FBXL20: variants seen among roughly 807,000 people sequenced by gnomAD.
FBXL20 encodes the protein F-box and leucine rich repeat protein 20.
In FBXL20, 11 loss-of-function variants were observed where a neutral mutation model predicts 64.0. The ratio of observed to expected loss-of-function variants is 0.17; its 90% confidence interval spans 0.11 to 0.28. The LOEUF (loss-of-function observed/expected upper bound fraction) is 0.28. Ranked by LOEUF, FBXL20 falls within the 10% of genes least tolerant of loss-of-function variation. The probability of loss-of-function intolerance (pLI) is 1.00; values close to 1 mark genes in which losing one functional copy is unlikely to be tolerated. For synonymous variants in FBXL20, 184 were observed against 189.0 expected (o/e 0.97, Z 0.22); for missense variants, 303 against 526.2 (o/e 0.58, Z 4.15).
chr17:39,315,077 T>G (rs2024073), intron 2 of FBXL20, among the ~76,000 whole-genome samples: 59,341 of 151,714 alleles, frequency 0.39, 15,221 homozygotes, highest in African/African-American at 0.73. Context: ...GATTACAGGG[T>G]TGGGCTACTG....
At chr17:39,273,669 A>G (rs1362150298) in intron 10 of FBXL20, among the ~76,000 whole-genome samples, 1 of 151,822 alleles carries the variant, frequency 6.6e-6, no homozygotes, top group African/African-American at 2.4e-5. Flanking sequence ...AAAATACAAA[A>G]ATTAGCTGGG....
At chr17:39,290,588 A>T (rs1220424743) in intron 6 of FBXL20, among the ~76,000 whole-genome samples, 16 of 152,140 alleles carry the variant, frequency 1.1e-4, no homozygotes, top group Admixed American at 9.8e-4. Flanking sequence ...TTTTTGAGAC[A>T]GGGCTTCAGT....
At chr17:39,283,226 T>C (rs554947017) in intron 7 of FBXL20, among the ~76,000 whole-genome samples, 2 of 152,310 alleles carry the variant, frequency 1.3e-5, no homozygotes, top group African/African-American at 4.8e-5. Context: ...AGATTCTCCA[T>C]CGAGCAATGC....
At chr17:39,401,019 G>A (rs2048236196) in intron 1 of FBXL20, among the ~76,000 whole-genome samples, 1 of 152,248 alleles carries the variant, frequency 6.6e-6, no homozygotes, top group Admixed American at 6.5e-5. Flanking sequence ...AGGCTCTGGT[G>A]GACCGGAGCC....
chr17:39,315,866 A>AGAGAGAGAGAGAGAGAGAGC (rs1167410862), intron 2 of FBXL20, among the ~76,000 whole-genome samples: 1 of 132,656 alleles, frequency 7.5e-6, no homozygotes. Flanking sequence ...AGAGAGAGAG[A>AGAGAGAGAGAGAGAGAGAGC]GAGAGCAACT....
Position 39,364,401 on chromosome 17 carries a change from C to T in FBXL20, c.43-21160G>A, listed in dbSNP as rs192915784. Among the ~76,000 whole-genome samples the T allele has an allele frequency of 4.5e-4, 69 of 152,194 alleles. 1 individual carries two copies. Among genetic ancestry groups the T allele is most frequent in the Admixed American group, 1.4e-3 (22 of 15,254 alleles). On this transcript the variant is annotated intron_variant, in intron 1 of 14. Coordinates refer to ENST00000264658, the MANE Select transcript of FBXL20 (RefSeq NM_032875.3). ...GCCAAGGAGAGTGGATTGCTTGAGG[C>T]CAGGATTTTGAGACCTGGGCAACAT...
At chr17:39,369,537 G>A (rs1212882592) in intron 1 of FBXL20, among the ~76,000 whole-genome samples, 1 of 151,932 alleles carries the variant, frequency 6.6e-6, no homozygotes, top group Non-Finnish European at 1.5e-5. Context: ...ATTTTTAGAA[G>A]AGACGGGGTT....
intron 6 of FBXL20, among the ~76,000 whole-genome samples, chr17:39,291,504 G>C (rs1429755004): frequency 7.0e-6 from 1 of 143,550 alleles, no homozygotes; most frequent in Non-Finnish European, 1.5e-5. Flanking sequence ...CACAATCTCA[G>C]CTCACTGCAA....
chr17:39,362,001 G>T (rs1392720601), intron 1 of FBXL20, among the ~76,000 whole-genome samples: 1 of 146,836 alleles, frequency 6.8e-6, no homozygotes, highest in Admixed American at 6.8e-5. Context: ...AAAAAAAAAT[G>T]CCCTGGCCAG....
chr17:39,402,037 G>C, upstream of FBXL20: 1 of 761,384 alleles, frequency 1.3e-6, no homozygotes, highest in Non-Finnish European at 1.8e-6. Context: ...CCCTCCGCGG[G>C]CAAACAGGCA....
chr17:39,274,153 G>T (rs968001677), intron 10 of FBXL20, among the ~76,000 whole-genome samples: 1 of 152,196 alleles, frequency 6.6e-6, no homozygotes, highest in African/African-American at 2.4e-5. Flanking sequence ...GGGATCACAG[G>T]TGTGCGCCTC....
At chr17:39,376,920 C>A (rs2047972772) in intron 1 of FBXL20, among the ~76,000 whole-genome samples, 1 of 152,164 alleles carries the variant, frequency 6.6e-6, no homozygotes, top group South Asian at 2.1e-4. Context: ...ACTTAACCGA[C>A]TCCACCTTGC....
In FBXL20 at chr17:39,401,459, G is replaced by T; in HGVS notation, c.-57C>A. 6.4e-7 allele frequency: 1 copy of T among 1,550,866 alleles called. No individual in the cohort carries two copies. The highest frequency in any genetic ancestry group is 1.2e-5 in the South Asian group (1 of 84,782). ...TGCGGCGAGCGGAGTGCACAGACCG[G>T]GGGCCCAGGACAGGCCCGGGAGTTC... On this transcript the variant is annotated 5_prime_UTR_variant, in exon 1 of 15. Transcript: ENST00000264658.
chr17:39,354,611 T>C (rs983302536), intron 1 of FBXL20, among the ~76,000 whole-genome samples: 1 of 152,232 alleles, frequency 6.6e-6, no homozygotes, highest in African/African-American at 2.4e-5. Context: ...ATGTTATTTA[T>C]ACGTTAGGAA....
At chr17:39,336,809 G>C (rs2144554654) in intron 2 of FBXL20, among the ~76,000 whole-genome samples, 1 of 151,200 alleles carries the variant, frequency 6.6e-6, no homozygotes, top group Middle Eastern at 3.4e-3. Flanking sequence ...GGGCGACAGT[G>C]TGAGACACCA....
At chr17:39,309,489 T>C (rs752528346) in intron 2 of FBXL20, among the ~76,000 whole-genome samples, 3 of 152,184 alleles carry the variant, frequency 2.0e-5, no homozygotes, top group Non-Finnish European at 4.4e-5. Context: ...GTACCTGCTG[T>C]TTGTCTATTA....
chr17:39,402,281 G>C, upstream of FBXL20: 1 of 1,172,342 alleles, frequency 8.5e-7, no homozygotes, highest in South Asian at 4.3e-5. Flanking sequence ...CGCCTCCGCG[G>C]TTGCCGCCGC....
chr17:39,383,109 G>A (rs1168357568), intron 1 of FBXL20, among the ~76,000 whole-genome samples: 1 of 147,760 alleles, frequency 6.8e-6, no homozygotes, highest in Non-Finnish European at 1.5e-5. Context: ...GTTGCAGTGA[G>A]CCGAGATCAC....
intron 2 of FBXL20, among the ~76,000 whole-genome samples, chr17:39,342,604 C>T (rs1319149002): frequency 6.6e-6 from 1 of 152,122 alleles, no homozygotes; most frequent in African/African-American, 2.4e-5. Flanking sequence ...GTAGTCCCAG[C>T]GACTCGGGAG....
Sources: allele counts gnomAD v4.1 joint callset (sites outside exome capture counted in the v4.1 genomes callset), GRCh38; gene constraint gnomAD v4.1.1; transcripts MANE v1.5; gene names NCBI Gene and HGNC (gene_info 2026-07-23, HGNC 2026-07-21).